Variants in MAP3K1 observed in about 807,000 individuals in gnomAD.
MAP3K1 encodes mitogen-activated protein kinase kinase kinase 1, also known as MAP/ERK kinase kinase 1.
Under a neutral mutation model 144.2 loss-of-function variants are expected in MAP3K1, and 36 were observed. The ratio of observed to expected loss-of-function variants is 0.25; its 90% confidence interval spans 0.19 to 0.33. The LOEUF (loss-of-function observed/expected upper bound fraction) is 0.33, where lower values mean the gene tolerates loss of function less well. MAP3K1 is among the 10% of genes least tolerant of loss of function. The pLI is 1.00. For synonymous variants in MAP3K1, 718 were observed against 688.7 expected, an observed-to-expected ratio of 1.04 and a Z score of -0.67; for missense variants, 1,650 against 1,881.9, an observed-to-expected ratio of 0.88 and a Z score of 2.28.
chr5:56,838,404 G>C (rs745865725), intron 1 of MAP3K1, among the ~76,000 whole-genome samples: 1 of 152,138 alleles, frequency 6.6e-6, no homozygotes, highest in South Asian at 2.1e-4. Context: ...GCAATTATTT[G>C]GTTCTATGAA....
chr5:56,893,189 C>T (rs752998424), intron 19 of MAP3K1, among the ~76,000 whole-genome samples: 7 of 152,062 alleles, frequency 4.6e-5, no homozygotes, highest in Admixed American at 3.9e-4. Flanking sequence ...AAGAACAAAC[C>T]ATCTCGGAGA....
rs199940554 is a variant in MAP3K1, at chr5:56,884,783, G to A, written c.3939G>A (p.Thr1313=). ...HPNIIRMLGA[T]CEKSNYNLFI... ...ACATCATTAGGATGTTGGGAGCCAC[G>A]TGTGAGAAGAGCAATTACAATCTCT... Residue 1313 remains threonine (T), a synonymous_variant, in exon 16 of 20, where the codon ACG becomes ACA. Coordinates refer to ENST00000399503, the MANE Select transcript of MAP3K1 (RefSeq NM_005921.2). The A allele has an allele frequency of 1.5e-4, 235 of 1,613,810 alleles. No homozygotes were observed. The highest frequency in any genetic ancestry group is 1.8e-4 in the Non-Finnish European group (207 of 1,179,826).
chr5:56,866,766 G>A (rs1008625558), intron 6 of MAP3K1, among the ~76,000 whole-genome samples: 1 of 152,160 alleles, frequency 6.6e-6, no homozygotes, highest in East Asian at 1.9e-4. Context: ...TAACAAGGGT[G>A]CAGTGAAGAG....
intron 1 of MAP3K1, among the ~76,000 whole-genome samples, chr5:56,830,324 C>T (rs888944782): frequency 2.0e-5 from 3 of 152,098 alleles, no homozygotes; most frequent in African/African-American, 7.2e-5. Context: ...ATACTGTTGG[C>T]CATAACCTAA....
At chr5:56,874,035 G>A (rs147021444) in intron 9 of MAP3K1, among the ~76,000 whole-genome samples, 2 of 152,178 alleles carry the variant, frequency 1.3e-5, no homozygotes, top group East Asian at 1.9e-4. Context: ...TAAGCTTTAG[G>A]TCAGACTAGG....
Position 56,884,284 on chromosome 5 carries a change from GT to G in MAP3K1, c.3820-379del, listed in dbSNP as rs879916117. Among the ~76,000 whole-genome samples, 717 of 152,234 alleles carry G rather than the reference GT, an allele frequency of 4.7e-3. 4 individuals are homozygous for G. The highest frequency in any genetic ancestry group is 6.7e-3 in the Non-Finnish European group (455 of 68,008). On this transcript the variant is annotated intron_variant, in intron 15 of 19. Coordinates refer to ENST00000399503, the MANE Select transcript of MAP3K1 (RefSeq NM_005921.2). ...AGGTACTTCTTTCAACAGTGTACTT[GT>G]GCGGTGCCATCTTGGGGTTTCAGTG...
In MAP3K1 at chr5:56,826,105, A is replaced by G. The variant is rs112142011; in HGVS notation, c.482+10050A>G. Reference sequence around the variant, plus strand: ...CAGCTGAATTCCAGCTCTGTCCTGCAGCTGATCACCCTTCTTTCTCGGCGT... The same window carrying G: ...CAGCTGAATTCCAGCTCTGTCCTGCGGCTGATCACCCTTCTTTCTCGGCGT... On this transcript the variant is annotated intron_variant, in intron 1 of 19. Coordinates refer to ENST00000399503, the MANE Select transcript of MAP3K1 (RefSeq NM_005921.2). Among the ~76,000 whole-genome samples, 233 of 152,154 alleles carry G rather than the reference A, an allele frequency of 1.5e-3. 1 individual carries two copies. Among genetic ancestry groups the G allele is most frequent in the Admixed American group, 2.5e-3 (38 of 15,280 alleles).
Position 56,875,191 on chromosome 5 carries a change from G to C in MAP3K1, c.1846G>C (p.Gly616Arg), listed in dbSNP as rs143853590. The C allele has an allele frequency of 1.5e-5, 24 of 1,614,010 alleles. No homozygotes were observed. The highest frequency in any genetic ancestry group is 5.5e-5 in the South Asian group (5 of 91,096). ...GGGCAGCAGTGGAAGCAGCCCGAGT[G>C]GGGGAGCCACCAGTGGGTCTTCCCA... ...SGGSSGSSPSGGATSGSSQTS... is the reference protein window; with the variant it reads ...SGGSSGSSPSRGATSGSSQTS... The change falls in exon 10 of 20, where the codon GGG (glycine) becomes CGG (arginine). Residue 616 changes from glycine to arginine, a missense_variant. Physicochemically the swap from Gly to Arg is moderately radical, Grantham distance 125. Around this residue, in one of 6 missense-constraint regions of MAP3K1, gnomAD observed 841 missense variants for 886.5 expected, o/e 0.95. Coordinates refer to ENST00000399503, the MANE Select transcript of MAP3K1 (RefSeq NM_005921.2).
intron 17 of MAP3K1, among the ~76,000 whole-genome samples, chr5:56,887,008 T>C (rs1748397168): frequency 6.6e-6 from 1 of 152,108 alleles, no homozygotes; most frequent in Non-Finnish European, 1.5e-5. Context: ...AGCGACCCGC[T>C]TGCCTCAGCC....
Position 56,882,017 on chromosome 5 carries a change from T to G in MAP3K1, c.2817T>G (p.Ser939=). 1 of 1,535,174 alleles carries G rather than the reference T, an allele frequency of 6.5e-7. No individual in the cohort carries two copies. The highest frequency in any genetic ancestry group is 1.1e-5 in the South Asian group (1 of 88,432). ...TGGCCAGCATTTCAGTAGGACCTTC[T>G]AGTTCAACAACAACAACAACAACAA... ...ERLASISVGP[S]SSTTTTTTTT... Residue 939 remains serine, a synonymous_variant, in exon 14 of 20, where the codon TCT becomes TCG. Coordinates refer to ENST00000399503, the MANE Select transcript of MAP3K1 (RefSeq NM_005921.2).
chr5:56,849,911 C>CT (rs1325067838), intron 1 of MAP3K1, among the ~76,000 whole-genome samples: 1 of 152,190 alleles, frequency 6.6e-6, no homozygotes, highest in East Asian at 1.9e-4. Context: ...TACATATAGA[C>CT]TTTATCACCT....
intron 1 of MAP3K1, 59 bp downstream of exon 1, chr5:56,816,114 T>A: frequency 1.7e-6 from 2 of 1,186,984 alleles, no homozygotes; most frequent in South Asian, 8.6e-5. Flanking sequence ...GGGCAATGAA[T>A]GAACCCCGGG....
At chr5:56,834,150 C>T (rs528507321) in intron 1 of MAP3K1, among the ~76,000 whole-genome samples, 1 of 151,814 alleles carries the variant, frequency 6.6e-6, no homozygotes, top group Non-Finnish European at 1.5e-5. Flanking sequence ...TAGTAGTTTG[C>T]TGGCCCATAA....
chr5:56,876,485 A>G (rs988134380), intron 10 of MAP3K1, among the ~76,000 whole-genome samples: 1 of 152,296 alleles, frequency 6.6e-6, no homozygotes, highest in South Asian at 2.1e-4. Context: ...GTAATACAGC[A>G]TGACAGTTAC....
chr5:56,885,929 TA>T lies in MAP3K1; in HGVS notation c.3983-2del. The T allele has an allele frequency of 1.2e-6, 2 of 1,611,264 alleles. No homozygotes were observed. The highest frequency in any genetic ancestry group is 1.7e-6 in the Non-Finnish European group (2 of 1,177,498). On this transcript the variant is annotated splice_acceptor_variant, in intron 16 of 19. Coordinates refer to ENST00000399503, the MANE Select transcript of MAP3K1 (RefSeq NM_005921.2). LOFTEE classifies it high-confidence loss of function. ...TATGATAATTATTTCTATTGTCTTATAGGGGGATCGGTGGCTCATTTGCTGA... is the reference window on the plus strand; with the variant it reads ...TATGATAATTATTTCTATTGTCTTATGGGGGATCGGTGGCTCATTTGCTGA...
chr5:56,885,095 T>C (rs1210233679), intron 16 of MAP3K1, among the ~76,000 whole-genome samples: 1 of 152,180 alleles, frequency 6.6e-6, no homozygotes, highest in Non-Finnish European at 1.5e-5. Context: ...TTGATATGTA[T>C]AAGATATGTA....
At chr5:56,839,088 C>T (rs548186359) in intron 1 of MAP3K1, among the ~76,000 whole-genome samples, 1 of 152,242 alleles carries the variant, frequency 6.6e-6, no homozygotes, top group African/African-American at 2.4e-5. Flanking sequence ...TGGAGGGATT[C>T]CTGAGGTCAA....
At chr5:56,852,892 T>TATAC (rs1000259925) in intron 1 of MAP3K1, among the ~76,000 whole-genome samples, 11 of 152,106 alleles carry the variant, frequency 7.2e-5, no homozygotes, top group African/African-American at 2.4e-4. Context: ...ATCACTGCTA[T>TATAC]ATACATACAT....
Position 56,815,828 on chromosome 5 carries a change from G to T in MAP3K1, c.255G>T (p.Pro85=). 1 of 1,416,734 alleles carries T rather than the reference G, an allele frequency of 7.1e-7. No individual in the cohort carries two copies. The allele number at this position is 1,416,734 out of a possible 1,614,324, so 87.8% of individuals were successfully genotyped here. ...CGCTCTTCCTTGCCGCCTCACCGCC[G>T]GCCTCCTCGACTTCCCCGTCGCCGG... ...EQPLFLAASP[P]ASSTSPSPEP... is the part of the protein sequence containing the mutation. Residue 85 remains proline, a synonymous_variant, in exon 1 of 20, where the codon CCG becomes CCT. Coordinates refer to ENST00000399503, the MANE Select transcript of MAP3K1 (RefSeq NM_005921.2).
Sources: allele counts gnomAD v4.1 joint callset (sites outside exome capture counted in the v4.1 genomes callset), GRCh38; gene constraint gnomAD v4.1.1; regional missense constraint gnomAD v4.1.1; transcripts MANE v1.5; gene names NCBI Gene and HGNC (gene_info 2026-07-23, HGNC 2026-07-21).